Variants in TMEM258 observed in about 807,000 individuals in gnomAD.
The protein encoded by TMEM258 is transmembrane protein 258.
A neutral mutation model predicts 9.9 loss-of-function variants in TMEM258; 11 were observed. The ratio of observed to expected loss-of-function variants is 1.11; its 90% CI spans 0.70 to 1.85. TMEM258 has a LOEUF of 1.85. Among genes scored for constraint, TMEM258 ranks in the 40% most tolerant of loss-of-function variants. TMEM258 has a pLI of 0.00. For synonymous variants in TMEM258, 40 were observed against 39.1 expected, an observed-to-expected ratio of 1.02 and a Z score of -0.09; for missense variants, 81 against 99.7, an observed-to-expected ratio of 0.81 and a Z score of 0.80.
chr11:61,789,610 G>T, intron 3 of TMEM258, 175 bp downstream of exon 3: 1 of 717,714 alleles, frequency 1.4e-6, no homozygotes, highest in Non-Finnish European at 2.2e-6. Context: ...TCCGTATGAG[G>T]GGCAGGGAAA....
chr11:61,791,963 C>T (rs1045672528), intron 1 of TMEM258: 2 of 152,890 alleles, frequency 1.3e-5, no homozygotes, highest in African/African-American at 4.8e-5. Context: ...ATTCAGTAAA[C>T]AATCACGGCC....
At chr11:61,789,657 G>T in intron 3 of TMEM258, 128 bp downstream of exon 3, 1 of 1,116,056 alleles carries the variant, frequency 9.0e-7, no homozygotes, top group Non-Finnish European at 1.2e-6. Context: ...CCATTCCACT[G>T]AGTCTGTCTC....
intron 3 of TMEM258, 161 bp downstream of exon 3, chr11:61,789,624 G>A: frequency 7.5e-6 from 6 of 803,042 alleles, no homozygotes; most frequent in Non-Finnish European, 1.1e-5. Flanking sequence ...AGGGAAAGAG[G>A]CACAAATGTC....
In TMEM258 at chr11:61,792,547, C is replaced by T; in HGVS notation, c.3+9G>A. 1 of 1,613,934 alleles carries T rather than the reference C, an allele frequency of 6.2e-7. No homozygotes were observed. The highest frequency in any genetic ancestry group is 2.2e-5 in the East Asian group (1 of 44,886). On this transcript the variant is annotated intron_variant, in intron 1 of 3. Transcript: ENST00000537328. ...CATCTCCGTCTGGAACTCCCCTCAA[C>T]GCTCTCACCATTTTGCCCCGCGAAG...
At position 61,790,613 on chromosome 11, in the gene TMEM258, G is replaced by T. The variant is rs763461266; in HGVS notation, c.4-11C>A. ...CATGGCCTCGAGCTCCTAGAGGAGG[G>T]AAAGAGATCAGAGCTATCAAAGAAT... On this transcript the variant is annotated splice_polypyrimidine_tract_variant and intron_variant, in intron 1 of 3. Coordinates refer to ENST00000537328, the MANE Select transcript of TMEM258 (RefSeq NM_014206.4). 4 of 1,608,436 alleles carry T rather than the reference G, an allele frequency of 2.5e-6. No individual in the cohort carries two copies. The highest frequency in any genetic ancestry group is 3.4e-5 in the Admixed American group (2 of 59,646).
At chr11:61,791,111 C>T (rs931860677) in intron 1 of TMEM258, among the ~76,000 whole-genome samples, 2 of 152,020 alleles carry the variant, frequency 1.3e-5, no homozygotes, top group Non-Finnish European at 2.9e-5. Flanking sequence ...AGGTGCGCAC[C>T]ACCACATCTA....
chr11:61,790,715 C>T, intron 1 of TMEM258, 113 bp from the exon 2 acceptor site: 1 of 857,724 alleles, frequency 1.2e-6, no homozygotes, highest in Non-Finnish European at 1.8e-6. Flanking sequence ...CTGATTTTAG[C>T]CCGGAAATGT....
intron 1 of TMEM258, chr11:61,792,160 T>C (rs965975814): frequency 1.0e-5 from 3 of 299,792 alleles, no homozygotes; most frequent in African/African-American, 4.4e-5. Context: ...CAGAGATCTG[T>C]ACAGAGGCTG....
rs867121089 is a variant in TMEM258, at chr11:61,790,024, G to A, written c.114-103C>T. On this transcript the variant is annotated intron_variant, in intron 2 of 3. Coordinates refer to ENST00000537328, the MANE Select transcript of TMEM258 (RefSeq NM_014206.4). ...AAAAGCATTGGCTCAATGCCTTCTG[G>A]GAGGCCTATCTGGCTCAGAGCAGCC... 4 of 1,438,876 alleles carry A rather than the reference G, an allele frequency of 2.8e-6. No individual in the cohort carries two copies. The Middle Eastern group carries it at 7.5e-4, about 268-fold the overall frequency. The allele number at this position is 1,438,876 out of a possible 1,614,324, so 89.1% of individuals were successfully genotyped here. A position where few individuals can be genotyped will look rare whatever the true frequency, so the allele number is the denominator to read the frequency against.
At position 61,789,935 on chromosome 11, in the gene TMEM258, T is replaced by A. The variant is rs745518132; in HGVS notation, c.114-14A>T. 1.3e-5 allele frequency: 21 copies of A among 1,610,894 alleles called. No individual in the cohort carries two copies. Among genetic ancestry groups the A allele is most frequent in the Non-Finnish European group, 1.8e-5 (21 of 1,178,480 alleles). ...GTGACCTCGTAACTGGGCACAGCAG[T>A]TAAGGCAAAGCGAAGGGGTGGACTG... is the stretch of plus-strand genomic sequence containing the variant. On this transcript the variant is annotated splice_polypyrimidine_tract_variant and intron_variant, in intron 2 of 3. Coordinates refer to ENST00000537328, the MANE Select transcript of TMEM258 (RefSeq NM_014206.4).
intron 2 of TMEM258, 25 bp from the exon 3 acceptor site, chr11:61,789,946 C>G (rs570726749): frequency 6.2e-7 from 1 of 1,607,478 alleles, no homozygotes. Flanking sequence ...TAAGGCAAAG[C>G]GAAGGGGTGG....
At chr11:61,790,646 T>G in intron 1 of TMEM258, 44 bp from the exon 2 acceptor site, 2 of 1,548,496 alleles carry the variant, frequency 1.3e-6, no homozygotes, top group Non-Finnish European at 1.8e-6. Flanking sequence ...AATCCCACGA[T>G]TTCAGCCTGG....
intron 1 of TMEM258, among the ~76,000 whole-genome samples, chr11:61,791,020 C>T (rs917381744): frequency 5.3e-5 from 8 of 151,984 alleles, no homozygotes; most frequent in Non-Finnish European, 7.4e-5. Flanking sequence ...GGCACGATCT[C>T]GGCTCACTGC....
rs763940890 is a variant in TMEM258 at position 61,792,515 on chromosome 11, G to A, written c.3+41C>T. On this transcript the variant is annotated intron_variant, in intron 1 of 3. Coordinates refer to ENST00000537328, the MANE Select transcript of TMEM258 (RefSeq NM_014206.4). Reference sequence around the variant, plus strand: ...CGCGGTGTGGGTCAGACCCCGAGGGGTCCTCGCATCTCCGTCTGGAACTCC... The same window carrying A: ...CGCGGTGTGGGTCAGACCCCGAGGGATCCTCGCATCTCCGTCTGGAACTCC... The A allele has an allele frequency of 4.3e-6, 7 of 1,613,828 alleles. No individual in the cohort carries two copies. In the East Asian group the frequency reaches 1.1e-4, roughly 26 times the overall value.
intron 3 of TMEM258, 126 bp downstream of exon 3, chr11:61,789,659 G>A: frequency 8.8e-7 from 1 of 1,138,224 alleles, no homozygotes; most frequent in Non-Finnish European, 1.2e-6. Context: ...ATTCCACTGA[G>A]TCTGTCTCCA....
chr11:61,792,470 C>G (rs1430542465), intron 1 of TMEM258, 86 bp downstream of exon 1: 1 of 1,590,764 alleles, frequency 6.3e-7, no homozygotes, highest in Non-Finnish European at 8.6e-7. Flanking sequence ...CTCTGGATCT[C>G]CGGCGTCTGA....
In TMEM258 at chr11:61,789,711, C is replaced by A. The variant is rs2066767698; in HGVS notation, c.*10+74G>T. Reference sequence around the variant, plus strand: ...GCTGGTAAGAGCTTTAAGGACCCTGCTGACCTGACTCTGGGGAGGCTTCCC... The same window carrying A: ...GCTGGTAAGAGCTTTAAGGACCCTGATGACCTGACTCTGGGGAGGCTTCCC... On this transcript the variant is annotated intron_variant, in intron 3 of 3. Transcript: ENST00000537328. The A allele has an allele frequency of 2.7e-6, 4 of 1,496,396 alleles. No homozygotes were observed. In the African/African-American group the frequency reaches 4.2e-5, roughly 16 times the overall value. The allele number at this position is 1,496,396 out of a possible 1,614,324, so 92.7% of individuals were successfully genotyped here. A position where few individuals can be genotyped will look rare whatever the true frequency, so the allele number is the denominator to read the frequency against.
Position 61,790,605 on chromosome 11 carries a change from AGAG to A in TMEM258, c.4-6_4-4del. 2 of 1,611,574 alleles carry A rather than the reference AGAG, an allele frequency of 1.2e-6. No homozygotes were observed. Among genetic ancestry groups the A allele is most frequent in the Non-Finnish European group, 8.5e-7 (1 of 1,178,338 alleles). ...TATCTGCTCATGGCCTCGAGCTCCT[AGAG>A]GAGGGAAAGAGATCAGAGCTATCAA... On this transcript the variant is annotated splice_polypyrimidine_tract_variant and splice_region_variant and intron_variant, in intron 1 of 3. Coordinates refer to ENST00000537328, the MANE Select transcript of TMEM258 (RefSeq NM_014206.4).
At chr11:61,790,034 C>T in intron 2 of TMEM258, 113 bp from the exon 3 acceptor site, 1 of 1,375,828 alleles carries the variant, frequency 7.3e-7, no homozygotes, top group Non-Finnish European at 9.7e-7. Context: ...GGAGGCCTAT[C>T]TGGCTCAGAG....
Sources: allele counts gnomAD v4.1 joint callset (sites outside exome capture counted in the v4.1 genomes callset), GRCh38; gene constraint gnomAD v4.1.1; transcripts MANE v1.5; gene names NCBI Gene and HGNC (gene_info 2026-07-23, HGNC 2026-07-21).